Variants in ICAM3 observed in about 807,000 individuals in gnomAD.
The protein encoded by ICAM3 is intercellular adhesion molecule 3.
A neutral mutation model predicts 43.6 loss-of-function variants in ICAM3; 54 were observed. The ratio of observed to expected loss-of-function variants is 1.24; its 90% confidence interval spans 0.99 to 1.55. ICAM3 has a LOEUF of 1.55. ICAM3 is among the 40% of genes most tolerant of loss of function. The pLI is 0.00. For missense variants in ICAM3, 715 were observed against 717.9 expected (o/e 1.00, Z 0.05); for synonymous variants, 306 against 312.6 (o/e 0.98, Z 0.22).
At position 10,334,582 on chromosome 19, in the gene ICAM3, CGA is replaced by C. The variant is rs2040564348; in HGVS notation, c.1136_1137del (p.Leu379ArgfsTer12). The C allele has an allele frequency of 4.3e-6, 7 of 1,613,600 alleles. No individual in the cohort carries two copies. Among genetic ancestry groups the C allele is most frequent in the Non-Finnish European group, 5.9e-6 (7 of 1,179,930 alleles). On this transcript the variant is annotated frameshift_variant, in exon 5 of 7. Coordinates refer to ENST00000160262, the MANE Select transcript of ICAM3 (RefSeq NM_002162.5). LOFTEE classifies it high-confidence loss of function. This position sits in a 1 kb window ranked among gnomAD's most constrained non-coding sequence, Gnocchi z 5.5. ...DGRSFFCSAT[L>X]EVDGEFLHRN... Reference sequence around the variant, plus strand: ...CTGTGCAAGAACTCGCCGTCCACCTCGAGAGTGGCACTGCAGAAGAAGCTGCG... The same window carrying C: ...CTGTGCAAGAACTCGCCGTCCACCTCGAGTGGCACTGCAGAAGAAGCTGCG...
chr19:10,334,568 C>T lies in ICAM3; in HGVS notation c.1152G>A (p.Glu384=). Residue 384 remains glutamate, a synonymous_variant, in exon 5 of 7, where the codon GAG becomes GAA. Transcript: ENST00000160262. The surrounding 1 kb of genome is among the most constrained non-coding windows in gnomAD (Gnocchi z 5.5). Reference sequence around the variant, plus strand: ...GGACGCTACTGTTCCTGTGCAAGAACTCGCCGTCCACCTCGAGAGTGGCAC... The same window carrying T: ...GGACGCTACTGTTCCTGTGCAAGAATTCGCCGTCCACCTCGAGAGTGGCAC... ...FCSATLEVDG[E]FLHRNSSVQL... The T allele has an allele frequency of 6.2e-7, 1 of 1,613,490 alleles. No homozygotes were observed. Among genetic ancestry groups the T allele is most frequent in the Non-Finnish European group, 8.5e-7 (1 of 1,179,680 alleles).
chr19:10,336,006 C>T lies in ICAM3; in HGVS notation c.344-30G>A, dbSNP rs1217742187. On this transcript the variant is annotated intron_variant, in intron 2 of 6. Transcript: ENST00000160262. ...GAGAGGAGGGGAGGATGGCACTTAG[C>T]GGGTCCTGCAAACCCACCCACTCAC... The T allele has an allele frequency of 4.6e-6, 7 of 1,505,772 alleles. No homozygotes were observed. In the South Asian group the frequency reaches 5.0e-5, roughly 11 times the overall value. The allele number at this position is 1,505,772 out of a possible 1,614,324, so 93.3% of individuals were successfully genotyped here.
intron 3 of ICAM3, 50 bp from the exon 4 acceptor site, chr19:10,335,403 A>C: frequency 6.8e-7 from 1 of 1,476,670 alleles, no homozygotes; most frequent in East Asian, 2.5e-5. Flanking sequence ...TGCCTTCCCC[A>C]GGACACCCTC....
Position 10,335,768 on chromosome 19 carries a change from G to A in ICAM3, c.552C>T (p.His184=), listed in dbSNP as rs754960954. The A allele has an allele frequency of 1.9e-6, 3 of 1,612,590 alleles. No homozygotes were observed. The South Asian group carries it at 3.3e-5, about 18-fold the overall frequency. The part of the protein sequence containing the change: ...TATVLASRDD[H]GAPFSCRTEL... ...CTGTGCGGCATGAGAAAGGGGCTCC[G>A]TGGTCGTCTCTGCTGGCCAGCACAG... The change falls in exon 3 of 7, where the codon CAC becomes CAT. Residue 184 remains histidine, a synonymous_variant. Coordinates refer to ENST00000160262, the MANE Select transcript of ICAM3 (RefSeq NM_002162.5).
rs1216773511 is a variant in ICAM3, at chr19:10,338,919, C to A, written c.106G>T (p.Val36Leu). Residue 36 changes from valine to leucine, a missense_variant, in exon 2 of 7, where the codon GTG becomes TTG. Physicochemically the swap from Val to Leu is conservative, Grantham distance 32. Coordinates refer to ENST00000160262, the MANE Select transcript of ICAM3 (RefSeq NM_002162.5). ...GAGAGCACAGGGTTCTGGGGCTCCACCCGCAAAAGGAACTCCTGCCCCTGG... is the reference window on the plus strand; with the variant it reads ...GAGAGCACAGGGTTCTGGGGCTCCAACCGCAAAAGGAACTCCTGCCCCTGG... Reference protein sequence around the residue: ...GVQGQEFLLRVEPQNPVLSAG... With the variant: ...GVQGQEFLLRLEPQNPVLSAG... The A allele has an allele frequency of 6.2e-7, 1 of 1,614,038 alleles. No individual in the cohort carries two copies.
Position 10,334,290 on chromosome 19 carries a change from CT to C in ICAM3, c.1310del (p.Lys437ArgfsTer18). ...CCGGCACCTCCCGGCTGGAGCCTTC[CT>C]TCAAACACCGCAGCTCGGGGTACGG... ...GNPYPELRCLKEGSSREVPVG... is the reference protein window; with the variant it reads ...GNPYPELRCLXEGSSREVPVG... On this transcript the variant is annotated frameshift_variant, in exon 6 of 7. Coordinates refer to ENST00000160262, the MANE Select transcript of ICAM3 (RefSeq NM_002162.5). LOFTEE classifies it high-confidence loss of function. This position sits in a 1 kb window ranked among gnomAD's most constrained non-coding sequence, Gnocchi z 5.5. The C allele has an allele frequency of 6.2e-7, 1 of 1,614,224 alleles. No individual in the cohort carries two copies. The highest frequency in any genetic ancestry group is 2.2e-5 in the East Asian group (1 of 44,888).
At chr19:10,335,385 CA>C in intron 3 of ICAM3, 32 bp from the exon 4 acceptor site, 1 of 1,534,380 alleles carries the variant, frequency 6.5e-7, no homozygotes. Flanking sequence ...GTACAACCCC[CA>C]GGACTGTGCC....
chr19:10,334,940 C>A lies in ICAM3; in HGVS notation c.937+126G>T. On this transcript the variant is annotated intron_variant, in intron 4 of 6. Coordinates refer to ENST00000160262, the MANE Select transcript of ICAM3 (RefSeq NM_002162.5). This position sits in a 1 kb window ranked among gnomAD's most constrained non-coding sequence, Gnocchi z 5.5. ...CGCGCTGTGTCCAGCTTCGGGCACTCAGGCCCAACCCACGTTGCAACTGCT... is the reference window on the plus strand; with the variant it reads ...CGCGCTGTGTCCAGCTTCGGGCACTAAGGCCCAACCCACGTTGCAACTGCT... The A allele has an allele frequency of 6.9e-7, 1 of 1,458,964 alleles. No individual in the cohort carries two copies. The allele number at this position is 1,458,964 out of a possible 1,614,324, so 90.4% of individuals were successfully genotyped here.
Position 10,334,553 on chromosome 19 carries a change from GT to G in ICAM3, c.1166del (p.Asn389ThrfsTer23). On this transcript the variant is annotated frameshift_variant, in exon 5 of 7. Transcript: ENST00000160262. LOFTEE classifies it high-confidence loss of function. The surrounding 1 kb of genome is among the most constrained non-coding windows in gnomAD (Gnocchi z 5.5). Reference protein sequence around the residue: ...LEVDGEFLHRNSSVQLRVLYG... With the variant: ...LEVDGEFLHRXSSVQLRVLYG... Reference sequence around the variant, plus strand: ...ACAGGACTCGCAGCTGGACGCTACTGTTCCTGTGCAAGAACTCGCCGTCCAC... The same window carrying G: ...ACAGGACTCGCAGCTGGACGCTACTGTCCTGTGCAAGAACTCGCCGTCCAC... The G allele has an allele frequency of 6.2e-7, 1 of 1,613,010 alleles. No homozygotes were observed.
rs1258617215 is a variant in ICAM3, at chr19:10,338,679, C to T, written c.343+3G>A. ...AGTCCCACCTCCGGACACGTCGACTCACTGTACACGGTGATGTTAGAGGAG... is the reference window on the plus strand; with the variant it reads ...AGTCCCACCTCCGGACACGTCGACTTACTGTACACGGTGATGTTAGAGGAG... On this transcript the variant is annotated splice_donor_region_variant and intron_variant, in intron 2 of 6. Coordinates refer to ENST00000160262, the MANE Select transcript of ICAM3 (RefSeq NM_002162.5). The T allele has an allele frequency of 6.2e-7, 1 of 1,613,718 alleles. No homozygotes were observed. Among genetic ancestry groups the T allele is most frequent in the Non-Finnish European group, 8.5e-7 (1 of 1,179,732 alleles).
In ICAM3 at chr19:10,334,262, C is replaced by T; in HGVS notation, c.1339G>A (p.Gly447Arg). 1 of 1,614,174 alleles carries T rather than the reference C, an allele frequency of 6.2e-7. No homozygotes were observed. The highest frequency in any genetic ancestry group is 8.5e-7 in the Non-Finnish European group (1 of 1,180,032). The change falls in exon 6 of 7, where the codon GGG (glycine) becomes AGG (arginine). Residue 447 changes from glycine to arginine, a missense_variant. By Grantham distance (125) the Gly-to-Arg change is moderately radical. Coordinates refer to ENST00000160262, the MANE Select transcript of ICAM3 (RefSeq NM_002162.5). This position sits in a 1 kb window ranked among gnomAD's most constrained non-coding sequence, Gnocchi z 5.5. ...KEGSSREVPV[G>R]IPFFVNVTHN... ...GTTACGTTGACGAAGAACGGGATCCCCACCGGCACCTCCCGGCTGGAGCCT... is the reference window on the plus strand; with the variant it reads ...GTTACGTTGACGAAGAACGGGATCCTCACCGGCACCTCCCGGCTGGAGCCT...
At chr19:10,339,410 G>T in intron 1 of ICAM3, 129 bp downstream of exon 1, 1 of 783,648 alleles carries the variant, frequency 1.3e-6, no homozygotes. Context: ...ACTTTCTCCC[G>T]AGGATACAGA....
intron 1 of ICAM3, chr19:10,339,272 G>A: frequency 1.7e-6 from 1 of 580,014 alleles, no homozygotes; most frequent in African/African-American, 1.9e-5. Flanking sequence ...CATACGCAAA[G>A]GGCAAATTTC....
In ICAM3 at chr19:10,334,357, T is replaced by C. The variant is rs189583530; in HGVS notation, c.1244A>G (p.Asp415Gly). 1.3e-4 allele frequency: 203 copies of C among 1,614,168 alleles called. No homozygotes were observed. The highest frequency in any genetic ancestry group is 1.6e-4 in the Non-Finnish European group (189 of 1,180,036). ...GCACTGCAGGACGTGTCTCGTTTTA[T>C]CTTTCCATTTCAAGTGCTGGGGGCA... The part of the protein sequence containing the change: ...ATCPQHLKWK[D>G]KTRHVLQCQA... Residue 415 changes from aspartate to glycine, a missense_variant, in exon 6 of 7, where the codon GAT becomes GGT. Coordinates refer to ENST00000160262, the MANE Select transcript of ICAM3 (RefSeq NM_002162.5). This position sits in a 1 kb window ranked among gnomAD's most constrained non-coding sequence, Gnocchi z 5.5.
Position 10,334,108 on chromosome 19 carries a change from C to G in ICAM3, c.1442-49G>C. Reference sequence around the variant, plus strand: ...AATATGCGTCCCTTCTGTCTCCAACCCCCCCGCCCCCCGGCTTACCGGTCC... The same window carrying G: ...AATATGCGTCCCTTCTGTCTCCAACGCCCCCGCCCCCCGGCTTACCGGTCC... On this transcript the variant is annotated intron_variant, in intron 6 of 6. Transcript: ENST00000160262. The surrounding 1 kb of genome is among the most constrained non-coding windows in gnomAD (Gnocchi z 5.5). The G allele has an allele frequency of 6.2e-7, 1 of 1,606,162 alleles. No homozygotes were observed. The highest frequency in any genetic ancestry group is 8.5e-7 in the Non-Finnish European group (1 of 1,173,610).
intron 2 of ICAM3, among the ~76,000 whole-genome samples, chr19:10,337,064 C>T (rs1004323985): frequency 1.3e-5 from 2 of 150,490 alleles, no homozygotes; most frequent in Non-Finnish European, 3.0e-5. Context: ...GAGCTGACAT[C>T]GCGCCATTGT....
At chr19:10,339,453 G>A in intron 1 of ICAM3, 86 bp downstream of exon 1, 2 of 1,153,732 alleles carry the variant, frequency 1.7e-6, no homozygotes, top group East Asian at 4.7e-5. Flanking sequence ...GGCAGGATGT[G>A]AACAGCGTTG....
At chr19:10,337,656 C>T (rs1461487175) in intron 2 of ICAM3, among the ~76,000 whole-genome samples, 2 of 152,048 alleles carry the variant, frequency 1.3e-5, no homozygotes, top group African/African-American at 4.8e-5. Context: ...AAGGGTCTTG[C>T]TTTTTTGCAC....
rs373670278 is a variant in ICAM3, at chr19:10,335,160, C to CGTGGCT, written c.837_842dup (p.Thr281_Ala282dup). 5.6e-6 allele frequency: 9 copies of CGTGGCT among 1,613,594 alleles called. No individual in the cohort carries two copies. The highest frequency in any genetic ancestry group is 3.3e-5 in the South Asian group (3 of 91,090). On this transcript the variant is annotated inframe_insertion, in exon 4 of 7. Transcript: ENST00000160262. ...GGGCACCCTCCTGATCCGCGCGCGC[C>CGTGGCT]GTGGCTGTGGCTGTGGCCGTTAGCG...
Sources: allele counts gnomAD v4.1 joint callset (sites outside exome capture counted in the v4.1 genomes callset), GRCh38; gene constraint gnomAD v4.1.1; non-coding constraint Gnocchi (gnomAD v3.1); transcripts MANE v1.5; gene names NCBI Gene and HGNC (gene_info 2026-07-23, HGNC 2026-07-21).